Variants in GPR158 observed in about 807,000 individuals in gnomAD.
GPR158 encodes the protein metabotropic glycine receptor.
In GPR158, 30 loss-of-function variants were observed where a neutral mutation model predicts 78.2. The ratio of observed to expected loss-of-function variants is 0.38; its 90% CI spans 0.29 to 0.52. The LOEUF is 0.52. Among genes scored for constraint, GPR158 ranks in the 20% least tolerant of loss-of-function variants. GPR158 has a pLI of 0.83. For synonymous variants in GPR158, 581 were observed against 591.1 expected, an observed-to-expected ratio of 0.98 and a Z score of 0.25; for missense variants, 1,463 against 1,523.5, an observed-to-expected ratio of 0.96 and a Z score of 0.66.
chr10:25,378,729 T>A (rs759568185), intron 2 of GPR158, among the ~76,000 whole-genome samples: 11 of 152,158 alleles, frequency 7.2e-5, no homozygotes, highest in Non-Finnish European at 1.2e-4. Flanking sequence ...CTTTTACCTT[T>A]CTTATAAAAA....
rs376258556 is a variant in GPR158, at chr10:25,530,640, G to A, written c.1405-20336G>A. On this transcript the variant is annotated intron_variant, in intron 5 of 10. Transcript: ENST00000376351. ...ATCCATTATCCAGAAAAATAAGCAC[G>A]TATGCAGAGACAAATTCTGCTTCAG... Among the ~76,000 whole-genome samples the A allele has an allele frequency of 2.2e-4, 33 of 152,296 alleles. No individual in the cohort carries two copies. In the South Asian group the frequency reaches 5.8e-3, roughly 27 times the overall value.
At chr10:25,189,042 A>G (rs1170235299) in intron 1 of GPR158, among the ~76,000 whole-genome samples, 3 of 152,254 alleles carry the variant, frequency 2.0e-5, no homozygotes, top group Non-Finnish European at 4.4e-5. Flanking sequence ...AATGTTCATC[A>G]TCACTGGCCA....
At chr10:25,389,016 G>A (rs1834258153) in intron 2 of GPR158, among the ~76,000 whole-genome samples, 2 of 152,230 alleles carry the variant, frequency 1.3e-5, no homozygotes. Flanking sequence ...GAGCATGGGA[G>A]GGAGGCCCAG....
At chr10:25,473,188 C>T (rs552098114) in intron 5 of GPR158, among the ~76,000 whole-genome samples, 137 of 149,594 alleles carry the variant, frequency 9.2e-4, no homozygotes, top group African/African-American at 3.2e-3. Context: ...TTGTCAAAGG[C>T]CTTTTCTGCA....
chr10:25,486,120 C>G (rs1434317815), intron 5 of GPR158, among the ~76,000 whole-genome samples: 3 of 152,076 alleles, frequency 2.0e-5, no homozygotes, highest in African/African-American at 7.2e-5. Flanking sequence ...TTTAAGCTAC[C>G]CAATTTGTGG....
intron 2 of GPR158, among the ~76,000 whole-genome samples, chr10:25,242,897 G>T (rs1245401659): frequency 6.6e-6 from 1 of 152,134 alleles, no homozygotes; most frequent in African/African-American, 2.4e-5. Context: ...TCAGACATGG[G>T]TCTATTACCT....
At chr10:25,349,165 G>T (rs1053369725) in intron 2 of GPR158, among the ~76,000 whole-genome samples, 2 of 152,070 alleles carry the variant, frequency 1.3e-5, no homozygotes, top group South Asian at 2.1e-4. Context: ...CTGTTTCTTG[G>T]TTGTTTGCAG....
chr10:25,200,298 C>G (rs1234189705), intron 1 of GPR158, among the ~76,000 whole-genome samples: 2 of 151,714 alleles, frequency 1.3e-5, no homozygotes, highest in African/African-American at 4.9e-5. Flanking sequence ...TGCTCATTAG[C>G]CATGTATTTA....
At position 25,561,618 on chromosome 10, in the gene GPR158, A is replaced by G. The variant is rs561638233; in HGVS notation, c.1514+10533A>G. On this transcript the variant is annotated intron_variant, in intron 6 of 10. Transcript: ENST00000376351. ...TTTCAAAACTAAACATTTTTGGAGC[A>G]CAAACACCCAATGGCCATCAAATGT... Among the ~76,000 whole-genome samples, 4 of 152,326 alleles carry G rather than the reference A, an allele frequency of 2.6e-5. No individual in the cohort carries two copies. In the South Asian group the frequency reaches 8.3e-4, roughly 32 times the overall value.
chr10:25,355,987 T>C (rs1057466251), intron 2 of GPR158, among the ~76,000 whole-genome samples: 3 of 152,070 alleles, frequency 2.0e-5, no homozygotes, highest in Non-Finnish European at 4.4e-5. Context: ...TCCAGCTGTC[T>C]TCAGTGATGT....
At chr10:25,436,674 G>A (rs1835002360) in intron 4 of GPR158, among the ~76,000 whole-genome samples, 2 of 152,138 alleles carry the variant, frequency 1.3e-5, no homozygotes, top group African/African-American at 2.4e-5. Context: ...AGAAGGATGC[G>A]GTGGATTTGG....
rs186671025 is a variant in GPR158 at position 25,237,118 on chromosome 10, G to T, written c.1008+15961G>T. The stretch of plus-strand genomic sequence containing the variant: ...TGTGACCTACTTGCACATCTCATTG[G>T]TAAGGCTGTTTTGGTGGTTTAAGTT... On this transcript the variant is annotated intron_variant, in intron 2 of 10. Transcript: ENST00000376351. Among the ~76,000 whole-genome samples, 12 of 152,266 alleles carry T rather than the reference G, an allele frequency of 7.9e-5. No homozygotes were observed. The East Asian group carries it at 2.3e-3, about 29-fold the overall frequency.
chr10:25,564,798 A>G (rs1471495693), intron 6 of GPR158, among the ~76,000 whole-genome samples: 3 of 152,164 alleles, frequency 2.0e-5, no homozygotes, highest in Non-Finnish European at 2.9e-5. Context: ...CTTCATTTCT[A>G]TAAGCTCCTA....
intron 4 of GPR158, among the ~76,000 whole-genome samples, chr10:25,457,940 A>C (rs1246456656): frequency 6.6e-6 from 1 of 152,250 alleles, no homozygotes; most frequent in Non-Finnish European, 1.5e-5. Context: ...AAACAACAAC[A>C]AAAAATCACC....
rs1015834390 is a variant in GPR158 at position 25,378,108 on chromosome 10, A to C, written c.1009-17803A>C. ...ATAGTGGTTCCTGGTTATTTTTTTA[A>C]AACTCTTATTGATGTCCAAAATAAA... On this transcript the variant is annotated intron_variant, in intron 2 of 10. Coordinates refer to ENST00000376351, the MANE Select transcript of GPR158 (RefSeq NM_020752.3). Among the ~76,000 whole-genome samples, 3 of 152,122 alleles carry C rather than the reference A, an allele frequency of 2.0e-5. No homozygotes were observed. In the East Asian group the frequency reaches 5.8e-4, roughly 29 times the overall value.
At chr10:25,266,633 C>G (rs1854048330) in intron 2 of GPR158, among the ~76,000 whole-genome samples, 1 of 150,664 alleles carries the variant, frequency 6.6e-6, no homozygotes, top group African/African-American at 2.4e-5. Flanking sequence ...AAGCTGTTTC[C>G]TTTTTTTTTG....
At chr10:25,190,359 G>C (rs999775097) in intron 1 of GPR158, among the ~76,000 whole-genome samples, 1 of 151,794 alleles carries the variant, frequency 6.6e-6, no homozygotes, top group Non-Finnish European at 1.5e-5. Context: ...TTGAGACAGG[G>C]TCTTACTTTG....
chr10:25,189,578 T>A (rs186168024), intron 1 of GPR158, among the ~76,000 whole-genome samples: 265 of 151,052 alleles, frequency 1.8e-3, no homozygotes, highest in Middle Eastern at 0.017. Context: ...TAGGTGGGAG[T>A]TGAACAATGA....
chr10:25,349,906 A>G (rs1424358591), intron 2 of GPR158, among the ~76,000 whole-genome samples: 2 of 151,984 alleles, frequency 1.3e-5, no homozygotes, highest in Non-Finnish European at 2.9e-5. Context: ...TGGTGAGACT[A>G]AAGGAAAGCC....
Sources: gnomAD v4.1 joint callset for allele counts (sites outside exome capture counted in the v4.1 genomes callset) on GRCh38, gnomAD v4.1.1 for gene constraint, MANE v1.5 for transcripts, NCBI Gene and HGNC (gene_info 2026-07-23, HGNC 2026-07-21) for gene names.